The following GLIPR1L2 variants were observed in gnomAD, a reference collection of about 807,000 sequenced individuals.
GLIPR1L2 encodes GLIPR1 like 2.
A neutral mutation model predicts 28.4 loss-of-function variants in GLIPR1L2; 21 were observed. The ratio of observed to expected loss-of-function variants is 0.74; its 90% confidence interval spans 0.52 to 1.06. The LOEUF is 1.06. GLIPR1L2 is among the 50% of genes least tolerant of loss of function. The pLI is 0.00. For synonymous variants in GLIPR1L2, 145 were observed against 139.3 expected (o/e 1.04, Z -0.29); for missense variants, 476 against 416.9 (o/e 1.14, Z -1.23).
chr12:75,394,007 A>C (rs1308417064), intron 1 of GLIPR1L2, among the ~76,000 whole-genome samples: 1 of 152,004 alleles, frequency 6.6e-6, no homozygotes, highest in Non-Finnish European at 1.5e-5. Flanking sequence ...CATTTCCCTA[A>C]TGATTACTGA....
In GLIPR1L2 at chr12:75,431,384, A is replaced by T. The variant is rs1383591695; in HGVS notation, c.*223A>T. The T allele has an allele frequency of 2.4e-6, 1 of 422,894 alleles. No homozygotes were observed. Among genetic ancestry groups the T allele is most frequent in the Non-Finnish European group, 4.1e-6 (1 of 241,010 alleles). The allele number at this position is 422,894 out of a possible 1,614,324, so 26.2% of individuals were successfully genotyped here. On this transcript the variant is annotated 3_prime_UTR_variant, in exon 6 of 6. Transcript: ENST00000550916. ...AAACATGTAAGGTGGGCTCTTTGAC[A>T]CTAAGAACAGATAAAGACATGACAG... is the stretch of plus-strand genomic sequence containing the variant.
At chr12:75,427,654 C>T (rs1229514061) in intron 4 of GLIPR1L2, among the ~76,000 whole-genome samples, 1 of 152,202 alleles carries the variant, frequency 6.6e-6, no homozygotes, top group East Asian at 1.9e-4. Context: ...TCTGTGTCCC[C>T]ACCCAAATAT....
chr12:75,412,576 C>CA (rs2045879619), intron 2 of GLIPR1L2, among the ~76,000 whole-genome samples: 1 of 151,956 alleles, frequency 6.6e-6, no homozygotes, highest in Non-Finnish European at 1.5e-5. Context: ...TTTATGCAGC[C>CA]AAAAAACACA....
rs926893251 is a variant in GLIPR1L2, at chr12:75,391,360, G to A, written c.234+10G>A. On this transcript the variant is annotated intron_variant, in intron 1 of 5. Coordinates refer to ENST00000550916, the MANE Select transcript of GLIPR1L2 (RefSeq NM_001270396.2). ...TAACTTGCGCTTCATGGTGAGGCCG[G>A]AAGGCGGTTTGCCGACCCTTCCACT... 9 of 1,612,962 alleles carry A rather than the reference G, an allele frequency of 5.6e-6. No individual in the cohort carries two copies. The highest frequency in any genetic ancestry group is 7.6e-6 in the Non-Finnish European group (9 of 1,178,894).
chr12:75,430,680 T>C (rs12833944), intron 4 of GLIPR1L2, 35 bp from the exon 5 acceptor site: 239,800 of 1,512,568 alleles, frequency 0.16, 20,037 homozygotes, highest in Admixed American at 0.28. Context: ...GAAGAAATTT[T>C]ATGTAATTTT....
At chr12:75,397,798 A>C (rs373658184) in intron 1 of GLIPR1L2, among the ~76,000 whole-genome samples, 1 of 152,102 alleles carries the variant, frequency 6.6e-6, no homozygotes, top group East Asian at 1.9e-4. Context: ...GGTCTGCTTC[A>C]TTTAGGAAGA....
intron 4 of GLIPR1L2, among the ~76,000 whole-genome samples, chr12:75,425,400 G>A (rs930561044): frequency 6.6e-6 from 1 of 152,152 alleles, no homozygotes; most frequent in African/African-American, 2.4e-5. Context: ...GTGTCTGAGT[G>A]CAAATTAGGT....
At chr12:75,422,853 TA>T in intron 3 of GLIPR1L2, 50 bp from the exon 4 acceptor site, 2 of 1,450,470 alleles carry the variant, frequency 1.4e-6, no homozygotes, top group Non-Finnish European at 1.9e-6. Flanking sequence ...AAATTACATG[TA>T]AAAATGGAAG....
Position 75,403,664 on chromosome 12 carries a change from T to G in GLIPR1L2, c.235-6770T>G, listed in dbSNP as rs988439125. 2.0e-5 allele frequency among the ~76,000 whole-genome samples: 3 copies of G among 152,106 alleles called. 1 individual carries two copies. In the South Asian group the frequency reaches 6.2e-4, roughly 31 times the overall value. ...CTCTAAGACCCCTCCCTTCCCATCA[T>G]CTTTGCTCCTCCTTCCTCCTTATAC... On this transcript the variant is annotated intron_variant, in intron 1 of 5. Coordinates refer to ENST00000550916, the MANE Select transcript of GLIPR1L2 (RefSeq NM_001270396.2).
At chr12:75,396,779 A>T (rs2045685519) in intron 1 of GLIPR1L2, among the ~76,000 whole-genome samples, 1 of 152,200 alleles carries the variant, frequency 6.6e-6, no homozygotes, top group Non-Finnish European at 1.5e-5. Flanking sequence ...TTTTAATTAA[A>T]GTCCTCCAGA....
At chr12:75,412,087 A>G (rs949388295) in intron 2 of GLIPR1L2, among the ~76,000 whole-genome samples, 3 of 152,014 alleles carry the variant, frequency 2.0e-5, no homozygotes, top group Admixed American at 6.6e-5. Context: ...ATAGCATTCA[A>G]TACTTCTCTA....
Position 75,391,172 on chromosome 12 carries a change from C to G in GLIPR1L2, c.56C>G (p.Ala19Gly), listed in dbSNP as rs1243788629. Residue 19 changes from alanine (A) to glycine (G), a missense_variant, in exon 1 of 6, where the codon GCA becomes GGA. By Grantham distance (60) the Ala-to-Gly change is moderately conservative. Transcript: ENST00000550916. ...REWRAQSLPL[A>G]VGGVLKLRLC... ...TGGAGGGCCCAGTCCCTACCCCTGG[C>G]AGTAGGGGGCGTTTTGAAGCTGCGG... The G allele has an allele frequency of 6.2e-7, 1 of 1,614,038 alleles. No homozygotes were observed. Among genetic ancestry groups the G allele is most frequent in the African/African-American group, 1.3e-5 (1 of 74,936 alleles).
intron 1 of GLIPR1L2, among the ~76,000 whole-genome samples, chr12:75,407,235 A>G (rs1019005741): frequency 1.3e-5 from 2 of 152,080 alleles, no homozygotes; most frequent in African/African-American, 4.8e-5. Context: ...CCCTGTTGCA[A>G]GTCTTCTAAA....
intron 1 of GLIPR1L2, among the ~76,000 whole-genome samples, chr12:75,397,453 C>A (rs548410820): frequency 6.6e-6 from 1 of 152,110 alleles, no homozygotes; most frequent in Non-Finnish European, 1.5e-5. Flanking sequence ...TTATAATTTT[C>A]TATCCTATGC....
chr12:75,414,433 G>T (rs1243266743), intron 3 of GLIPR1L2, among the ~76,000 whole-genome samples: 1 of 151,972 alleles, frequency 6.6e-6, no homozygotes, highest in Non-Finnish European at 1.5e-5. Context: ...GATTGAGAAG[G>T]AATTTCTGCC....
At chr12:75,391,463 A>G in intron 1 of GLIPR1L2, 113 bp downstream of exon 1, 3 of 1,572,054 alleles carry the variant, frequency 1.9e-6, no homozygotes, top group Non-Finnish European at 2.6e-6. Context: ...GGAGAACCGC[A>G]CTTTTAGCTT....
intron 1 of GLIPR1L2, 171 bp downstream of exon 1, chr12:75,391,521 CTCTAACACA>C (rs1566059887): frequency 2.0e-6 from 3 of 1,533,138 alleles, no homozygotes; most frequent in Non-Finnish European, 2.6e-6. Context: ...ACTGCGGACA[CTCTAACACA>C]TGCTTATTAC....
intron 1 of GLIPR1L2, 39 bp from the exon 2 acceptor site, chr12:75,410,395 A>T (rs771782553): frequency 6.9e-7 from 1 of 1,445,400 alleles, no homozygotes; most frequent in African/African-American, 1.4e-5. Context: ...TACAAAAAAA[A>T]ACTTATTTTG....
rs746374902 is a variant in GLIPR1L2 at position 75,431,107 on chromosome 12, AGAG to A, written c.996_998del (p.Glu333del). 2.7e-4 allele frequency: 287 copies of A among 1,077,524 alleles called. No individual in the cohort carries two copies. The highest frequency in any genetic ancestry group is 4.6e-4 in the Middle Eastern group (2 of 4,312). 66.7% of individuals were successfully genotyped at this position (1,077,524 alleles called of 1,614,324 possible). A position where few individuals can be genotyped will look rare whatever the true frequency, so the allele number is the denominator to read the frequency against. ...AAATGGAGGAGGAAAAAGAAGAGAG[AGAG>A]GAGGAGGAGGAGGAAACACAAAAAG... On this transcript the variant is annotated inframe_deletion, in exon 6 of 6. Transcript: ENST00000550916.
Sources: gnomAD v4.1 joint callset for allele counts (sites outside exome capture counted in the v4.1 genomes callset) on GRCh38, gnomAD v4.1.1 for gene constraint, MANE v1.5 for transcripts, NCBI Gene and HGNC (gene_info 2026-07-23, HGNC 2026-07-21) for gene names.